USP36: variants seen among roughly 807,000 people sequenced by gnomAD.
USP36 encodes ubiquitin specific peptidase 36.
A neutral mutation model predicts 111.5 loss-of-function variants in USP36; 59 were observed. The ratio of observed to expected loss-of-function variants is 0.53; its 90% CI spans 0.43 to 0.66. The LOEUF (loss-of-function observed/expected upper bound fraction) is 0.66. Among genes scored for constraint, USP36 ranks in the 30% least tolerant of loss-of-function variants. The pLI, the probability that USP36 is intolerant of heterozygous loss-of-function variation, is 0.00. For synonymous variants in USP36, 628 were observed against 581.0 expected (o/e 1.08, Z -1.16); for missense variants, 1,488 against 1,468.0 (o/e 1.01, Z -0.22).
intron 7 of USP36, chr17:78,821,366 T>C (rs548806968): frequency 1.3e-4 from 27 of 203,322 alleles, no homozygotes; most frequent in Admixed American, 7.3e-4. Flanking sequence ...CCTGCACGCG[T>C]GCACGGCACT....
At chr17:78,833,441 C>T (rs2068341060) in intron 4 of USP36, among the ~76,000 whole-genome samples, 1 of 152,016 alleles carries the variant, frequency 6.6e-6, no homozygotes, top group Admixed American at 6.6e-5. Context: ...GCCACCGTGC[C>T]CAGCCAGTAG....
intron 13 of USP36, among the ~76,000 whole-genome samples, chr17:78,810,438 C>G (rs2094021104): frequency 6.6e-6 from 1 of 152,146 alleles, no homozygotes; most frequent in Non-Finnish European, 1.5e-5. Context: ...CAGGCACGTG[C>G]CATTAAACCT....
intron 6 of USP36, among the ~76,000 whole-genome samples, chr17:78,825,181 C>G (rs1322943177): frequency 6.6e-6 from 1 of 152,152 alleles, no homozygotes; most frequent in Non-Finnish European, 1.5e-5. Flanking sequence ...CCCTGGCAGT[C>G]TCAGCAGCCA....
At chr17:78,824,718 T>C (rs1567957879) in intron 6 of USP36, among the ~76,000 whole-genome samples, 1 of 152,190 alleles carries the variant, frequency 6.6e-6, no homozygotes, top group Non-Finnish European at 1.5e-5. Flanking sequence ...TTTTCAGTCA[T>C]AACAGGAAAT....
At chr17:78,799,073 T>C in intron 18 of USP36, 50 bp from the exon 19 acceptor site, 1 of 1,571,284 alleles carries the variant, frequency 6.4e-7, no homozygotes. Flanking sequence ...CCAGGTCCCC[T>C]GTGGCTTCAC....
chr17:78,797,533 C>G lies in USP36; in HGVS notation c.*367G>C, dbSNP rs1048551816. The G allele has an allele frequency of 6.6e-6, 1 of 152,394 alleles. No individual in the cohort carries two copies. The highest frequency in any genetic ancestry group is 2.4e-5 in the African/African-American group (1 of 41,440). The allele number at this position is 152,394 out of a possible 1,614,324, so 9.4% of individuals were successfully genotyped here. A position where few individuals can be genotyped will look rare whatever the true frequency, so the allele number is the denominator to read the frequency against. ...GACCACCTGGGGGACATGTGGCCAC[C>G]ATCCCCCACTCTCCTGATAGCCCCA... On this transcript the variant is annotated 3_prime_UTR_variant, in exon 21 of 21. Coordinates refer to ENST00000449938, the MANE Select transcript of USP36 (RefSeq NM_001385174.1).
intron 13 of USP36, among the ~76,000 whole-genome samples, chr17:78,812,410 C>T (rs1040828659): frequency 6.6e-6 from 1 of 152,098 alleles, no homozygotes. Context: ...ATAACATTGG[C>T]CGGGCGCGGT....
chr17:78,835,980 AC>A, intron 3 of USP36, 130 bp downstream of exon 3: 1 of 1,286,366 alleles, frequency 7.8e-7, no homozygotes. Flanking sequence ...AAATCCACTG[AC>A]CCCATGTAAA....
Position 78,806,022 on chromosome 17 carries a change from C to G in USP36, c.2216+134G>C, listed in dbSNP as rs942628209. The G allele has an allele frequency of 1.6e-5, 24 of 1,482,224 alleles. No homozygotes were observed. The East Asian group carries it at 5.4e-4, about 33-fold the overall frequency. 91.8% of individuals were successfully genotyped at this position (1,482,224 alleles called of 1,614,324 possible). ...GGGGGATCTTGGTCAGTGACGCCCC[C>G]CTGTACCTCCTGGCTGCCCCAATGC... On this transcript the variant is annotated intron_variant, in intron 15 of 20. Transcript: ENST00000449938.
chr17:78,835,621 GAGA>G (rs2068592383), intron 3 of USP36, 120 bp from the exon 4 acceptor site: 2 of 989,770 alleles, frequency 2.0e-6, no homozygotes, highest in Admixed American at 2.3e-5. Flanking sequence ...CATGGCACCA[GAGA>G]AGAACTGGTG....
chr17:78,792,513 C>T (rs1018617223), downstream of USP36, among the ~76,000 whole-genome samples: 3 of 152,156 alleles, frequency 2.0e-5, no homozygotes, highest in Non-Finnish European at 4.4e-5. Context: ...GTGGGTCTGC[C>T]CAGCAGCAGC....
At chr17:78,814,312 C>A in intron 11 of USP36, 100 bp downstream of exon 11, 1 of 1,487,100 alleles carries the variant, frequency 6.7e-7, no homozygotes, top group Non-Finnish European at 9.0e-7. Flanking sequence ...CAAAACATCA[C>A]ACTTTTCACA....
chr17:78,793,090 G>T (rs896239432), downstream of USP36, among the ~76,000 whole-genome samples: 1 of 151,488 alleles, frequency 6.6e-6, no homozygotes, highest in Admixed American at 6.6e-5. Flanking sequence ...ACTTCCGTCA[G>T]TATCGAATGC....
intron 13 of USP36, 84 bp downstream of exon 13, chr17:78,812,776 A>C: frequency 6.7e-7 from 1 of 1,503,742 alleles, no homozygotes; most frequent in African/African-American, 1.4e-5. Context: ...AATTCCTTCC[A>C]CTGTGGCCAA....
chr17:78,804,973 G>A (rs946269866), intron 15 of USP36, among the ~76,000 whole-genome samples: 2 of 152,132 alleles, frequency 1.3e-5, no homozygotes, highest in African/African-American at 2.4e-5. Context: ...CCACATTACC[G>A]TCATTAGGAC....
chr17:78,803,684 A>G lies in USP36; in HGVS notation c.2511T>C (p.Thr837=), dbSNP rs145591044. 1.6e-3 allele frequency: 2,622 copies of G among 1,610,252 alleles called. 3 individuals carry two copies. The highest frequency in any genetic ancestry group is 2.1e-3 in the Non-Finnish European group (2,452 of 1,179,474). ...TRLPQHIREA[T]AAPHGKRKRK... is the part of the protein sequence containing the mutation. ...TCTTCCTCTTCCCGTGGGGAGCCGCAGTGGCCTCCCTGATGTGCTGTGGGA... is the reference window on the plus strand; with the variant it reads ...TCTTCCTCTTCCCGTGGGGAGCCGCGGTGGCCTCCCTGATGTGCTGTGGGA... Residue 837 remains threonine, a synonymous_variant, in exon 16 of 21, where the codon ACT becomes ACC. Transcript: ENST00000449938. The surrounding 1 kb of genome is among the most constrained non-coding windows in gnomAD (Gnocchi z 4.6).
intron 6 of USP36, 104 bp from the exon 7 acceptor site, chr17:78,822,108 AGG>A: frequency 7.3e-7 from 1 of 1,367,620 alleles, no homozygotes. Context: ...GCTCAGCGTG[AGG>A]CTGGGAAACT....
intron 10 of USP36, among the ~76,000 whole-genome samples, chr17:78,816,637 C>A (rs567637833): frequency 2.0e-5 from 3 of 150,756 alleles, no homozygotes; most frequent in Non-Finnish European, 4.4e-5. Context: ...AAAAAAAAAA[C>A]AAAAAAACCA....
At position 78,798,192 on chromosome 17, in the gene USP36, TACACACGCATC is replaced by T; in HGVS notation, c.*20+197_*20+207del. Reference sequence around the variant, plus strand: ...CACGCATCCCACACACACCCCCTTATACACACGCATCCCACACACACCCTTCTCCAAGTGAC... The same window carrying T: ...CACGCATCCCACACACACCCCCTTATCCACACACACCCTTCTCCAAGTGAC... On this transcript the variant is annotated intron_variant, in intron 20 of 20. Coordinates refer to ENST00000449938, the MANE Select transcript of USP36 (RefSeq NM_001385174.1). The surrounding 1 kb of genome is among the most constrained non-coding windows in gnomAD (Gnocchi z 5.1). The T allele has an allele frequency of 1.7e-6, 1 of 597,722 alleles. No homozygotes were observed. Among genetic ancestry groups the T allele is most frequent in the Non-Finnish European group, 2.9e-6 (1 of 347,892 alleles). The allele number at this position is 597,722 out of a possible 1,614,324, so 37.0% of individuals were successfully genotyped here. A position where few individuals can be genotyped will look rare whatever the true frequency, so the allele number is the denominator to read the frequency against.
Sources: gnomAD v4.1 joint callset for allele counts (sites outside exome capture counted in the v4.1 genomes callset) on GRCh38, gnomAD v4.1.1 for gene constraint, Gnocchi (gnomAD v3.1) non-coding constraint, MANE v1.5 for transcripts, NCBI Gene and HGNC (gene_info 2026-07-23, HGNC 2026-07-21) for gene names.